The following TSHR variants were observed in gnomAD, a reference collection of about 807,000 sequenced individuals.
The protein encoded by TSHR is thyrotropin receptor.
TSHR carries 51 observed loss-of-function variants against 64.1 expected under a neutral mutation model. The observed-to-expected ratio is 0.80, with a 90% confidence interval of 0.64 to 1.01. The LOEUF (loss-of-function observed/expected upper bound fraction) is 1.01, where lower values mean the gene tolerates loss of function less well. Among genes scored for constraint, TSHR ranks in the 50% least tolerant of loss-of-function variants. The pLI is 0.00. For missense variants in TSHR, 877 were observed against 942.8 expected (o/e 0.93, Z 0.91); for synonymous variants, 361 against 361.9 (o/e 1.00, Z 0.03).
intron 1 of TSHR, among the ~76,000 whole-genome samples, chr14:81,019,859 T>C (rs1883645300): frequency 6.6e-6 from 1 of 152,214 alleles, no homozygotes; most frequent in South Asian, 2.1e-4. Context: ...CAGTCTATCA[T>C]TGATGGGCAT....
Position 81,087,915 on chromosome 14 carries a change from G to A in TSHR, c.318-39G>A, listed in dbSNP as rs993986712. ...TTTGTCTTTGATAAGAACAGATACG[G>A]ATGCATTATAGTGACTGTGTTCCTT... On this transcript the variant is annotated intron_variant, in intron 3 of 9. Transcript: ENST00000298171. The A allele has an allele frequency of 5.9e-6, 8 of 1,356,196 alleles. No individual in the cohort carries two copies. The Admixed American group carries it at 1.3e-4, about 23-fold the overall frequency. 84.0% of individuals were successfully genotyped at this position (1,356,196 alleles called of 1,614,324 possible).
At chr14:80,982,244 G>T in intron 1 of TSHR, 1 of 648,226 alleles carries the variant, frequency 1.5e-6, no homozygotes, top group Middle Eastern at 2.8e-4. Flanking sequence ...AAAGCCACTG[G>T]AGATTTCAGT....
Position 81,139,886 on chromosome 14 carries a change from G to A in TSHR, c.881+19G>A, listed in dbSNP as rs376837047. On this transcript the variant is annotated intron_variant, in intron 9 of 9. Coordinates refer to ENST00000298171, the MANE Select transcript of TSHR (RefSeq NM_000369.5). Reference sequence around the variant, plus strand: ...TCAGAGGGTAAGTGGCAGGGACCCGGCATAAGTGACAAAAGACCTTGGTGG... The same window carrying A: ...TCAGAGGGTAAGTGGCAGGGACCCGACATAAGTGACAAAAGACCTTGGTGG... 6.9e-5 allele frequency: 112 copies of A among 1,613,688 alleles called. No individual in the cohort carries two copies. Among genetic ancestry groups the A allele is most frequent in the Non-Finnish European group, 8.7e-5 (103 of 1,179,814 alleles).
intron 3 of TSHR, among the ~76,000 whole-genome samples, chr14:81,084,201 A>T (rs1475443725): frequency 6.6e-6 from 1 of 152,230 alleles, no homozygotes; most frequent in Non-Finnish European, 1.5e-5. Flanking sequence ...AGAGCCTTGC[A>T]TATTTCCCCA....
intron 7 of TSHR, among the ~76,000 whole-genome samples, chr14:81,098,241 A>G (rs1052937221): frequency 4.6e-5 from 7 of 152,180 alleles, no homozygotes; most frequent in African/African-American, 1.7e-4. Flanking sequence ...CCAATCCAAA[A>G]TATGCATCTC....
chr14:80,984,972 C>A (rs962155522), intron 1 of TSHR, among the ~76,000 whole-genome samples: 72 of 152,186 alleles, frequency 4.7e-4, no homozygotes, highest in African/African-American at 1.7e-3. Flanking sequence ...TGCTTTTGGC[C>A]GGGCGCGGTG....
intron 1 of TSHR, chr14:80,992,397 C>CAAAAAAAAAA (rs34821019): frequency 9.4e-6 from 1 of 106,326 alleles, no homozygotes; most frequent in African/African-American, 3.9e-5. Flanking sequence ...GACTCTATCT[C>CAAAAAAAAAA]AAAAAAAAAA....
intron 1 of TSHR, among the ~76,000 whole-genome samples, chr14:80,965,621 A>C (rs757746909): frequency 1.1e-4 from 16 of 152,314 alleles, no homozygotes; most frequent in Middle Eastern, 6.8e-3. Flanking sequence ...CTTTCATTAC[A>C]TTAATTAAAA....
intron 1 of TSHR, among the ~76,000 whole-genome samples, chr14:81,021,714 T>A (rs1288199627): frequency 1.3e-5 from 2 of 152,234 alleles, no homozygotes; most frequent in African/African-American, 4.8e-5. Context: ...TTTGGATCAA[T>A]TATTTCTTTT....
At chr14:80,996,113 G>A (rs1451866884) in intron 1 of TSHR, among the ~76,000 whole-genome samples, 1 of 152,140 alleles carries the variant, frequency 6.6e-6, no homozygotes, top group Non-Finnish European at 1.5e-5. Context: ...AACAGATGTT[G>A]TTCCCTTATA....
chr14:81,039,050 A>G (rs1160036281), intron 1 of TSHR, among the ~76,000 whole-genome samples: 1 of 151,960 alleles, frequency 6.6e-6, no homozygotes, highest in Non-Finnish European at 1.5e-5. Context: ...CTATGAGGCC[A>G]GCATTACCCT....
intron 1 of TSHR, among the ~76,000 whole-genome samples, chr14:81,008,475 T>C (rs980394440): frequency 5.3e-5 from 8 of 152,188 alleles, no homozygotes; most frequent in African/African-American, 1.9e-4. Flanking sequence ...CCTGGCTTTG[T>C]AGACCATTTT....
At chr14:81,082,930 C>T (rs993155375) in intron 3 of TSHR, among the ~76,000 whole-genome samples, 1 of 152,008 alleles carries the variant, frequency 6.6e-6, no homozygotes, top group Non-Finnish European at 1.5e-5. Flanking sequence ...GAAATATCTC[C>T]AAGGGTGAGA....
chr14:81,043,508 G>T (rs1885021933), intron 1 of TSHR, among the ~76,000 whole-genome samples: 1 of 152,144 alleles, frequency 6.6e-6, no homozygotes, highest in Non-Finnish European at 1.5e-5. Flanking sequence ...TGGTCATACT[G>T]CCCAAAGTAA....
chr14:80,997,692 GAGAT>G (rs1889097584), intron 1 of TSHR, among the ~76,000 whole-genome samples: 2 of 152,188 alleles, frequency 1.3e-5, no homozygotes, highest in Admixed American at 1.3e-4. Context: ...ATGAAATACG[GAGAT>G]AGTTATGAAA....
Position 81,143,429 on chromosome 14 carries a change from C to A in TSHR, c.1371C>A (p.Ala457=), listed in dbSNP as rs775062497. The part of the protein sequence containing the change: ...NVPRFLMCNL[A]FADFCMGMYL... ...CCCGCTTTCTCATGTGCAACCTGGC[C>A]TTTGCGGATTTCTGCATGGGGATGT... The change falls in exon 10 of 10, where the codon GCC becomes GCA. Residue 457 remains alanine (A), a synonymous_variant. Transcript: ENST00000298171. The A allele has an allele frequency of 3.7e-6, 6 of 1,614,194 alleles. No individual in the cohort carries two copies. In the Admixed American group the frequency reaches 1.0e-4, roughly 27 times the overall value.
At chr14:81,139,574 T>C in intron 8 of TSHR, 105 bp from the exon 9 acceptor site, 1 of 1,159,916 alleles carries the variant, frequency 8.6e-7, no homozygotes. Flanking sequence ...GAAAGGAGCA[T>C]ATCATCTCCC....
At chr14:80,985,237 G>A (rs1292834912) in intron 1 of TSHR, among the ~76,000 whole-genome samples, 8 of 152,192 alleles carry the variant, frequency 5.3e-5, no homozygotes, top group South Asian at 2.1e-4. Context: ...GCGACAGAGC[G>A]AGACTCCGTC....
chr14:81,129,451 T>G (rs1211732198), intron 8 of TSHR, among the ~76,000 whole-genome samples: 1 of 152,234 alleles, frequency 6.6e-6, no homozygotes, highest in African/African-American at 2.4e-5. Flanking sequence ...TGGTTAGGTC[T>G]AACCACCCAC....
Sources: gnomAD v4.1 joint callset for allele counts (sites outside exome capture counted in the v4.1 genomes callset) on GRCh38, gnomAD v4.1.1 for gene constraint, MANE v1.5 for transcripts, NCBI Gene and HGNC (gene_info 2026-07-23, HGNC 2026-07-21) for gene names.